The following MARCHF8 variants were observed in gnomAD, a reference collection of about 807,000 sequenced individuals.
The protein encoded by MARCHF8 is E3 ubiquitin-protein ligase MARCHF8.
Under a neutral mutation model 51.6 loss-of-function variants are expected in MARCHF8, and 40 were observed. That is an observed-to-expected ratio of 0.77 (90% CI 0.60 to 1.01). The LOEUF (loss-of-function observed/expected upper bound fraction) is 1.01. MARCHF8 is among the 50% of genes least tolerant of loss of function. The pLI is 0.00. For missense variants in MARCHF8, 685 were observed against 708.6 expected (o/e 0.97, Z 0.38); for synonymous variants, 263 against 280.3 (o/e 0.94, Z 0.62).
At chr10:45,584,126 CATATATATAT>C (rs55978063) in intron 1 of MARCHF8, among the ~76,000 whole-genome samples, 10,371 of 85,282 alleles carry the variant, frequency 0.12, 571 homozygotes, top group African/African-American at 0.12. Flanking sequence ...TATATACAAT[CATATATATAT>C]ATATATATAT....
At chr10:45,514,437 A>ACAGCAGCTGCCACCCTACAGCTGC (rs1384797147) in intron 2 of MARCHF8, among the ~76,000 whole-genome samples, 2 of 152,268 alleles carry the variant, frequency 1.3e-5, no homozygotes, top group African/African-American at 4.8e-5. Flanking sequence ...CGCTGCCTGC[A>ACAGCAGCTGCCACCCTACAGCTGC]CAGCAGCTGC....
intron 1 of MARCHF8, among the ~76,000 whole-genome samples, chr10:45,554,115 C>T (rs1453678874): frequency 1.3e-5 from 2 of 152,174 alleles, no homozygotes; most frequent in African/African-American, 2.4e-5. Flanking sequence ...TTTTACCAGA[C>T]ATCCCTATAG....
chr10:45,517,561 T>C (rs2043640163), intron 2 of MARCHF8, among the ~76,000 whole-genome samples: 1 of 152,188 alleles, frequency 6.6e-6, no homozygotes. Flanking sequence ...ACACTCTCCC[T>C]CTGCCTTCTG....
At chr10:45,555,880 C>T (rs2044247210) in intron 1 of MARCHF8, among the ~76,000 whole-genome samples, 1 of 152,128 alleles carries the variant, frequency 6.6e-6, no homozygotes, top group African/African-American at 2.4e-5. Flanking sequence ...GAAAGAGTCA[C>T]TCATTTAACC....
intron 1 of MARCHF8, among the ~76,000 whole-genome samples, chr10:45,583,694 T>C (rs1427861190): frequency 6.6e-6 from 1 of 152,216 alleles, no homozygotes; most frequent in African/African-American, 2.4e-5. Context: ...ATGCTACTTT[T>C]ATTAAAATAC....
At chr10:45,580,271 A>C (rs757511611) in intron 1 of MARCHF8, among the ~76,000 whole-genome samples, 9 of 152,216 alleles carry the variant, frequency 5.9e-5, no homozygotes, top group African/African-American at 1.9e-4. Context: ...TTAAGAGAAT[A>C]AAGTTTACAA....
intron 3 of MARCHF8, among the ~76,000 whole-genome samples, chr10:45,479,323 A>G (rs539516607): frequency 6.6e-6 from 1 of 152,350 alleles, no homozygotes; most frequent in Non-Finnish European, 1.5e-5. Flanking sequence ...TCAACAAACT[A>G]GGCAAAGAAA....
intron 3 of MARCHF8, among the ~76,000 whole-genome samples, chr10:45,464,852 G>A (rs1842918511): frequency 6.6e-6 from 1 of 152,170 alleles, no homozygotes; most frequent in Non-Finnish European, 1.5e-5. Context: ...ACAAAAGGGA[G>A]TCCAGACCAC....
intron 2 of MARCHF8, among the ~76,000 whole-genome samples, chr10:45,517,083 G>A (rs1230295673): frequency 6.6e-6 from 1 of 152,236 alleles, no homozygotes; most frequent in African/African-American, 2.4e-5. Context: ...GGCAACAGTG[G>A]TGAGTAGCAC....
At chr10:45,490,792 C>T (rs2043067093) in intron 2 of MARCHF8, among the ~76,000 whole-genome samples, 1 of 152,198 alleles carries the variant, frequency 6.6e-6, no homozygotes, top group Non-Finnish European at 1.5e-5. Flanking sequence ...GCTGGGAGTG[C>T]AGTGGCATGA....
chr10:45,490,141 G>A (rs2043055971), intron 2 of MARCHF8, among the ~76,000 whole-genome samples: 1 of 152,106 alleles, frequency 6.6e-6, no homozygotes, highest in African/African-American at 2.4e-5. Flanking sequence ...CATCCCACCT[G>A]GCCTTTTTGC....
At chr10:45,579,214 A>G (rs1589192756) in intron 1 of MARCHF8, among the ~76,000 whole-genome samples, 1 of 152,228 alleles carries the variant, frequency 6.6e-6, no homozygotes, top group Non-Finnish European at 1.5e-5. Context: ...ATGCATAAAA[A>G]GAAAGGGGGA....
intron 2 of MARCHF8, among the ~76,000 whole-genome samples, chr10:45,506,675 C>T (rs1041799242): frequency 6.6e-6 from 1 of 152,190 alleles, no homozygotes; most frequent in Admixed American, 6.5e-5. Context: ...TTGTCACGCA[C>T]GTCCATGTGA....
chr10:45,506,400 G>A (rs767119320), intron 2 of MARCHF8, among the ~76,000 whole-genome samples: 7 of 152,082 alleles, frequency 4.6e-5, no homozygotes, highest in Non-Finnish European at 7.4e-5. Flanking sequence ...ATAAACTAGC[G>A]TTACTTCTAC....
chr10:45,594,478 G>C (rs1221950016), exon 1 of MARCHF8: 1 of 152,242 alleles, frequency 6.6e-6, no homozygotes, highest in Non-Finnish European at 1.5e-5. Flanking sequence ...GGTTCCGCTC[G>C]GCCCGGCCCC....
chr10:45,563,593 A>C (rs916918403), intron 1 of MARCHF8, among the ~76,000 whole-genome samples: 3 of 152,182 alleles, frequency 2.0e-5, no homozygotes, highest in Non-Finnish European at 4.4e-5. Context: ...AAGTGAAAAA[A>C]CCTTAATTGT....
chr10:45,521,515 G>A (rs1274042969), intron 2 of MARCHF8, among the ~76,000 whole-genome samples: 4 of 152,186 alleles, frequency 2.6e-5, no homozygotes, highest in African/African-American at 4.8e-5. Flanking sequence ...AAATGGAGTC[G>A]TTAAAACTGC....
chr10:45,551,681 G>A (rs994171060), intron 1 of MARCHF8, among the ~76,000 whole-genome samples: 14 of 152,086 alleles, frequency 9.2e-5, no homozygotes, highest in Non-Finnish European at 2.9e-5. Context: ...CTTCAGCCTT[G>A]AACTCCAGAA....
At chr10:45,509,915 G>C (rs1383188454) in intron 2 of MARCHF8, among the ~76,000 whole-genome samples, 1 of 152,186 alleles carries the variant, frequency 6.6e-6, no homozygotes, top group Non-Finnish European at 1.5e-5. Flanking sequence ...ACGTGCAGCA[G>C]AGCAAACTTA....
Sources: allele counts gnomAD v4.1 joint callset (sites outside exome capture counted in the v4.1 genomes callset), GRCh38; gene constraint gnomAD v4.1.1; transcripts MANE v1.5; gene names NCBI Gene and HGNC (gene_info 2026-07-23, HGNC 2026-07-21).